TAF6: variants seen among roughly 807,000 people sequenced by gnomAD.
The protein encoded by TAF6 is TATA-box binding protein associated factor 6, also known as transcription initiation factor TFIID subunit 6.
TAF6 carries 50 observed loss-of-function variants against 73.5 expected under a neutral mutation model. That is an observed-to-expected ratio of 0.68 (90% confidence interval 0.54 to 0.86). TAF6 has a LOEUF of 0.86. Ranked by LOEUF, TAF6 falls within the 40% of genes least tolerant of loss-of-function variation. The probability of loss-of-function intolerance (pLI) is 0.00; values close to 1 mark genes in which losing one functional copy is unlikely to be tolerated. For missense variants in TAF6, 768 were observed against 899.5 expected (o/e 0.85, Z 1.87); for synonymous variants, 424 against 376.7 (o/e 1.13, Z -1.45).
Position 100,107,938 on chromosome 7 carries a change from T to C in TAF6, c.1644A>G (p.Pro548=), listed in dbSNP as rs775856281. The C allele has an allele frequency of 6.2e-7, 1 of 1,610,224 alleles. No homozygotes were observed. The highest frequency in any genetic ancestry group is 8.5e-7 in the Non-Finnish European group (1 of 1,177,626). ...CAGCTCTGCATACCTGCTGGGTGGATGGGGCGCTGGAGGACGATGACATTA... is the reference window on the plus strand; with the variant it reads ...CAGCTCTGCATACCTGCTGGGTGGACGGGGCGCTGGAGGACGATGACATTA... ...FIVMSSSSSA[P]STQQVLSLST... The change falls in exon 14 of 15, where the codon CCA becomes CCG. Residue 548 remains proline, a synonymous_variant. Coordinates refer to ENST00000453269, the MANE Select transcript of TAF6 (RefSeq NM_139315.3).
At chr7:100,117,308 G>A (rs1271075855) in intron 1 of TAF6, among the ~76,000 whole-genome samples, 1 of 113,022 alleles carries the variant, frequency 8.8e-6, no homozygotes, top group East Asian at 3.0e-4. Flanking sequence ...TTTCACTCTT[G>A]TTGTCCAGGC....
chr7:100,110,562 A>G (rs2116762865), intron 10 of TAF6, among the ~76,000 whole-genome samples: 1 of 152,342 alleles, frequency 6.6e-6, no homozygotes, highest in South Asian at 2.1e-4. Flanking sequence ...CCGTAATCCC[A>G]GCACTTTGGG....
rs761559140 is a variant in TAF6, at chr7:100,107,289, T to C, written c.1991A>G (p.Asn664Ser). ...GGAGCCGGAGTTGGGCTGGGAGCCA[T>C]TGGCTTTTGGAGTCCCTGGAGCTGG... ...PPPAPGTPKA[N>S]GSQPNSGSPQ... The change falls in exon 15 of 15, where the codon AAT (asparagine) becomes AGT (serine). Residue 664 changes from asparagine (N) to serine (S), a missense_variant. By Grantham distance (46) the Asn-to-Ser change is conservative. Around this residue, in one of 5 missense-constraint regions of TAF6, gnomAD observed 350 missense variants for 352.3 expected, o/e 0.99. Coordinates refer to ENST00000453269, the MANE Select transcript of TAF6 (RefSeq NM_139315.3). 14 of 1,524,026 alleles carry C rather than the reference T, an allele frequency of 9.2e-6. No individual in the cohort carries two copies. Among genetic ancestry groups the C allele is most frequent in the African/African-American group, 4.2e-5 (3 of 71,810 alleles). The allele number at this position is 1,524,026 out of a possible 1,614,324, so 94.4% of individuals were successfully genotyped here. A position where few individuals can be genotyped will look rare whatever the true frequency, so the allele number is the denominator to read the frequency against.
chr7:100,119,157 T>C (rs1797928483), intron 1 of TAF6, 47 bp downstream of exon 1: 2 of 987,612 alleles, frequency 2.0e-6, no homozygotes, highest in Middle Eastern at 5.2e-4. Flanking sequence ...ATCTCTCCAA[T>C]GCAGGCACAC....
Position 100,107,979 on chromosome 7 carries a change from G to A in TAF6, c.1603C>T (p.Pro535Ser), listed in dbSNP as rs1442427038. 6.2e-7 allele frequency: 1 copy of A among 1,613,940 alleles called. No homozygotes were observed. Among genetic ancestry groups the A allele is most frequent in the Non-Finnish European group, 8.5e-7 (1 of 1,179,988 alleles). ...AAAPPQPSPPPTKFIVMSSSS... is the reference protein window; with the variant it reads ...AAAPPQPSPPSTKFIVMSSSS... Reference sequence around the variant, plus strand: ...GATGACATTACAATAAACTTGGTTGGAGGAGGGGAAGGCTGTGGTGGGGCA... The same window carrying A: ...GATGACATTACAATAAACTTGGTTGAAGGAGGGGAAGGCTGTGGTGGGGCA... The change falls in exon 14 of 15, where the codon CCA becomes TCA. Residue 535 changes from proline (P) to serine (S), a missense_variant. This residue lies in a region of TAF6 where 350 missense variants were observed against 352.3 expected (regional missense o/e 0.99). Transcript: ENST00000453269.
intron 6 of TAF6, 25 bp from the exon 7 acceptor site, chr7:100,112,278 G>C: frequency 6.2e-7 from 1 of 1,603,922 alleles, no homozygotes; most frequent in Non-Finnish European, 8.5e-7. Flanking sequence ...AGGTGGGTCT[G>C]ACAAAGAAAG....
intron 2 of TAF6, 21 bp downstream of exon 2, chr7:100,114,033 T>A: frequency 6.2e-7 from 1 of 1,613,976 alleles, no homozygotes; most frequent in Non-Finnish European, 8.5e-7. Flanking sequence ...AATGTAGAGC[T>A]GGACAGAAGG....
upstream of TAF6, chr7:100,119,671 G>A (rs957896377): frequency 7.4e-6 from 12 of 1,611,448 alleles, no homozygotes; most frequent in Non-Finnish European, 9.3e-6. Context: ...CTAGCCGCCT[G>A]GGAATTTAAG....
intron 9 of TAF6, 90 bp downstream of exon 9, chr7:100,111,638 T>A: frequency 7.2e-7 from 1 of 1,388,898 alleles, no homozygotes; most frequent in Non-Finnish European, 1.0e-6. Flanking sequence ...TGCTGGGATT[T>A]CAGGTGTGAG....
chr7:100,119,578 A>T, upstream of TAF6: 1 of 1,455,500 alleles, frequency 6.9e-7, no homozygotes, highest in Non-Finnish European at 9.2e-7. Context: ...GGAGGCAGGG[A>T]AACCCGTAGC....
At chr7:100,120,061 T>G, upstream of TAF6, 1 of 479,944 alleles carries the variant, frequency 2.1e-6, no homozygotes. Flanking sequence ...AGAGAGAGCC[T>G]GCATTTTTTT....
chr7:100,111,900 C>T, intron 8 of TAF6, 22 bp downstream of exon 8: 1 of 1,614,208 alleles, frequency 6.2e-7, no homozygotes. Context: ...CGTCCCTGCA[C>T]TGTGGAACCT....
upstream of TAF6, chr7:100,122,129 A>T: frequency 8.8e-7 from 1 of 1,135,126 alleles, no homozygotes; most frequent in Non-Finnish European, 1.2e-6. Flanking sequence ...TGGCTGAGCC[A>T]GGATTCCAAC....
upstream of TAF6, chr7:100,124,815 A>C: frequency 1.2e-6 from 2 of 1,613,534 alleles, no homozygotes; most frequent in Non-Finnish European, 1.7e-6. Context: ...GAGGAGGAAG[A>C]GGAGGAAGAG....
intron 1 of TAF6, 169 bp downstream of exon 1, chr7:100,119,035 G>A (rs1797919132): frequency 1.2e-5 from 12 of 985,672 alleles, no homozygotes; most frequent in Non-Finnish European, 1.4e-5. Flanking sequence ...GAGGCGGCAG[G>A]AAGGCGTCCC....
chr7:100,121,696 T>A (rs1798072229), upstream of TAF6, among the ~76,000 whole-genome samples: 1 of 151,612 alleles, frequency 6.6e-6, no homozygotes, highest in Non-Finnish European at 1.5e-5. Context: ...CGCCTCAGCC[T>A]CCCAAAGTGC....
chr7:100,119,774 T>C (rs1382470163), upstream of TAF6: 4 of 1,614,010 alleles, frequency 2.5e-6, no homozygotes, highest in African/African-American at 5.3e-5. Context: ...GAATATTGCT[T>C]TTCCTTTTTT....
At chr7:100,114,408 A>G in intron 1 of TAF6, 140 bp from the exon 2 acceptor site, 1 of 856,498 alleles carries the variant, frequency 1.2e-6, no homozygotes. Context: ...CTGAGGTGTA[A>G]CAGAGAAAGA....
chr7:100,120,607 G>T (rs1355197382), upstream of TAF6, among the ~76,000 whole-genome samples: 1 of 152,096 alleles, frequency 6.6e-6, no homozygotes, highest in Non-Finnish European at 1.5e-5. Context: ...TCATGACTTG[G>T]TCCTCATCTC....
Sources: allele counts gnomAD v4.1 joint callset (sites outside exome capture counted in the v4.1 genomes callset), GRCh38; gene constraint gnomAD v4.1.1; regional missense constraint gnomAD v4.1.1; transcripts MANE v1.5; gene names NCBI Gene and HGNC (gene_info 2026-07-23, HGNC 2026-07-21).